Variants in APIP observed in about 807,000 individuals in gnomAD.
APIP encodes APAF1 interacting protein.
APIP carries 32 observed loss-of-function variants against 32.0 expected under a neutral mutation model. The observed-to-expected ratio is 1.00, with a 90% confidence interval of 0.76 to 1.34. The LOEUF is 1.34. APIP is among the 40% of genes most tolerant of loss of function. APIP has a pLI of 0.00. For missense variants in APIP, 247 were observed against 298.6 expected, an observed-to-expected ratio of 0.83 and a Z score of 1.27; for synonymous variants, 92 against 94.8, an observed-to-expected ratio of 0.97 and a Z score of 0.17.
intron 2 of APIP, among the ~76,000 whole-genome samples, chr11:34,892,547 A>G (rs139056147): frequency 6.5e-4 from 99 of 152,322 alleles, no homozygotes; most frequent in African/African-American, 2.3e-3. Context: ...ACACCTGTCA[A>G]TATTACTCTG....
At chr11:34,913,000 C>T (rs747380840) in intron 1 of APIP, among the ~76,000 whole-genome samples, 23 of 152,152 alleles carry the variant, frequency 1.5e-4, no homozygotes, top group Non-Finnish European at 2.4e-4. Context: ...CACCAGGCCC[C>T]AATCACTAGA....
Position 34,888,711 on chromosome 11 carries a change from C to T in APIP, c.325+41G>A, listed in dbSNP as rs368397377. The T allele has an allele frequency of 1.0e-5, 14 of 1,399,058 alleles. No homozygotes were observed. In the African/African-American group the frequency reaches 1.5e-4, roughly 15 times the overall value. 86.7% of individuals were successfully genotyped at this position (1,399,058 alleles called of 1,614,324 possible). ...AATTACCATTATTTAGAGGAGCCTA[C>T]TCTGCAAATATTCTTTATGTTGAAT... On this transcript the variant is annotated intron_variant, in intron 4 of 6. Transcript: ENST00000395787.
intron 1 of APIP, among the ~76,000 whole-genome samples, chr11:34,913,105 A>C (rs2956116): frequency 0.8 from 121,458 of 152,084 alleles, 48,685 homozygotes; most frequent in East Asian, 0.83. Flanking sequence ...ACTCAGACCT[A>C]CAGCATCTCT....
intron 1 of APIP, chr11:34,896,929 A>G (rs1160114800): frequency 4.4e-6 from 3 of 686,916 alleles, no homozygotes; most frequent in Admixed American, 2.6e-5. Flanking sequence ...CATAAACTGG[A>G]GACCCCACTG....
chr11:34,906,252 T>C (rs1433681965), intron 1 of APIP, among the ~76,000 whole-genome samples: 1 of 152,162 alleles, frequency 6.6e-6, no homozygotes, highest in Non-Finnish European at 1.5e-5. Flanking sequence ...GTTCCTGACT[T>C]ATTATTTTTA....
intron 2 of APIP, among the ~76,000 whole-genome samples, chr11:34,891,811 T>C (rs1853191410): frequency 6.6e-6 from 1 of 152,164 alleles, no homozygotes; most frequent in Non-Finnish European, 1.5e-5. Context: ...TGAGAATGGG[T>C]TGGGATCATA....
Position 34,888,750 on chromosome 11 carries a change from A to C in APIP, c.325+2T>G. On this transcript the variant is annotated splice_donor_variant, in intron 4 of 6. Coordinates refer to ENST00000395787, the MANE Select transcript of APIP (RefSeq NM_015957.4). LOFTEE classifies it high-confidence loss of function. ...TTTATGTTGAATATATTTTCTGCAT[A>C]CCTCTCATTGTGTAAGCATTCATGA... 1 of 1,518,070 alleles carries C rather than the reference A, an allele frequency of 6.6e-7. No individual in the cohort carries two copies. The highest frequency in any genetic ancestry group is 8.8e-7 in the Non-Finnish European group (1 of 1,137,724). The allele number at this position is 1,518,070 out of a possible 1,614,324, so 94.0% of individuals were successfully genotyped here. A position where few individuals can be genotyped will look rare whatever the true frequency, so the allele number is the denominator to read the frequency against.
chr11:34,911,057 A>G (rs12293733), intron 1 of APIP, among the ~76,000 whole-genome samples: 19,885 of 152,148 alleles, frequency 0.13, 1,773 homozygotes, highest in African/African-American at 0.26. Flanking sequence ...GTCACATGCT[A>G]CTCAGAGGCC....
intron 2 of APIP, among the ~76,000 whole-genome samples, chr11:34,891,665 A>C (rs559208586): frequency 2.0e-5 from 3 of 152,312 alleles, no homozygotes; most frequent in African/African-American, 7.2e-5. Flanking sequence ...AAAGTCTAGA[A>C]AACAAATGTC....
intron 1 of APIP, chr11:34,915,927 G>A (rs1296790094): frequency 2.0e-6 from 1 of 498,728 alleles, no homozygotes; most frequent in Non-Finnish European, 3.5e-6. Context: ...CTGCCTTCCT[G>A]ATAAATACCC....
rs1265348451 is a variant in APIP at position 34,900,999 on chromosome 11, TA to T, written c.58-5890del. Among the ~76,000 whole-genome samples, 5 of 152,002 alleles carry T rather than the reference TA, an allele frequency of 3.3e-5. No individual in the cohort carries two copies. In the East Asian group the frequency reaches 9.6e-4, roughly 29 times the overall value. The stretch of plus-strand genomic sequence containing the variant: ...AGCTCATTCTCAAGGACAAGTTTAT[TA>T]CACAGGTAGCTCCCAATATTAAAAG... On this transcript the variant is annotated intron_variant, in intron 1 of 6. Transcript: ENST00000395787.
At chr11:34,907,115 A>T (rs1853472457) in intron 1 of APIP, among the ~76,000 whole-genome samples, 1 of 152,208 alleles carries the variant, frequency 6.6e-6, no homozygotes. Context: ...AACAGCAGTT[A>T]GGGTGACATC....
chr11:34,886,560 G>A (rs1853074860), intron 5 of APIP, among the ~76,000 whole-genome samples: 1 of 152,142 alleles, frequency 6.6e-6, no homozygotes, highest in Admixed American at 6.5e-5. Flanking sequence ...GTCTATAGTA[G>A]TGTAATGTCC....
intron 1 of APIP, among the ~76,000 whole-genome samples, chr11:34,899,053 C>A (rs1033884399): frequency 2.0e-5 from 3 of 151,810 alleles, no homozygotes; most frequent in Non-Finnish European, 4.4e-5. Flanking sequence ...CCTGCCTCGG[C>A]CTCCCAAAGT....
Position 34,888,806 on chromosome 11 carries a change from T to C in APIP, c.271A>G (p.Lys91Glu). 6.6e-7 allele frequency: 1 copy of C among 1,522,288 alleles called. No homozygotes were observed. Among genetic ancestry groups the C allele is most frequent in the South Asian group, 1.4e-5 (1 of 73,182 alleles). 94.3% of individuals were successfully genotyped at this position (1,522,288 alleles called of 1,614,324 possible). A position where few individuals can be genotyped will look rare whatever the true frequency, so the allele number is the denominator to read the frequency against. The part of the protein sequence containing the change: ...KDISGPSPSK[K>E]LKKSQCTPLF... Reference sequence around the variant, plus strand: ...GGAGTACACTGGCTTTTTTTTAGCTTCTTCGATGGCGAAGGTCCACTTATG... The same window carrying C: ...GGAGTACACTGGCTTTTTTTTAGCTCCTTCGATGGCGAAGGTCCACTTATG... The change falls in exon 4 of 7, where the codon AAG (lysine) becomes GAG (glutamate). Residue 91 changes from lysine to glutamate, a missense_variant. Lys to Glu is a moderately conservative substitution (Grantham distance 56). Transcript: ENST00000395787.
At chr11:34,889,006 A>G (rs1853139102) in intron 3 of APIP, 137 bp from the exon 4 acceptor site, 2 of 404,156 alleles carry the variant, frequency 4.9e-6, no homozygotes, top group African/African-American at 2.1e-5. Flanking sequence ...TATATTTAGT[A>G]TACATATACA....
Position 34,888,880 on chromosome 11 carries a change from A to G in APIP, c.208-11T>C, listed in dbSNP as rs1430776086. ...AAACATGTCTTCAGGCTATTTATAG[A>G]GGGGAAAAAAAGAAAAAAAGAAGGC... On this transcript the variant is annotated splice_polypyrimidine_tract_variant and intron_variant, in intron 3 of 6. Coordinates refer to ENST00000395787, the MANE Select transcript of APIP (RefSeq NM_015957.4). 4 of 1,431,252 alleles carry G rather than the reference A, an allele frequency of 2.8e-6. No homozygotes were observed. The East Asian group carries it at 8.2e-5, about 29-fold the overall frequency. 88.7% of individuals were successfully genotyped at this position (1,431,252 alleles called of 1,614,324 possible). A position where few individuals can be genotyped will look rare whatever the true frequency, so the allele number is the denominator to read the frequency against.
intron 3 of APIP, among the ~76,000 whole-genome samples, chr11:34,889,855 T>A (rs181597087): frequency 9.1e-4 from 139 of 152,276 alleles, no homozygotes; most frequent in African/African-American, 3.2e-3. Context: ...ATGGTATATA[T>A]GTACCACATT....
intron 6 of APIP, 76 bp downstream of exon 6, chr11:34,883,261 C>G (rs1198758371): frequency 8.3e-5 from 116 of 1,402,994 alleles, no homozygotes; most frequent in South Asian, 2.6e-4. Context: ...TAAATTTAAA[C>G]CAACTGACAT....
Sources: gnomAD v4.1 joint callset for allele counts (sites outside exome capture counted in the v4.1 genomes callset) on GRCh38, gnomAD v4.1.1 for gene constraint, MANE v1.5 for transcripts, NCBI Gene and HGNC (gene_info 2026-07-23, HGNC 2026-07-21) for gene names.